The following GABBR2 variants were observed in gnomAD, a reference collection of about 807,000 sequenced individuals.
GABBR2 encodes gamma-aminobutyric acid type B receptor subunit 2, also known as G-protein coupled receptor 51.
A neutral mutation model predicts 105.6 loss-of-function variants in GABBR2; 23 were observed. The observed-to-expected ratio is 0.22, with a 90% CI of 0.16 to 0.31. GABBR2 has a LOEUF of 0.31. GABBR2 is among the 10% of genes least tolerant of loss of function. The probability of loss-of-function intolerance (pLI) is 1.00; values close to 1 mark genes in which losing one functional copy is unlikely to be tolerated. For synonymous variants in GABBR2, 478 were observed against 499.7 expected, an observed-to-expected ratio of 0.96 and a Z score of 0.58; for missense variants, 734 against 1,245.5, an observed-to-expected ratio of 0.59 and a Z score of 6.18.
In GABBR2 at chr9:98,621,297, C is replaced by A. The variant is rs147579860; in HGVS notation, c.322-43225G>T. 7.0e-4 allele frequency among the ~76,000 whole-genome samples: 107 copies of A among 152,274 alleles called. 2 individuals carry two copies. The highest frequency in any genetic ancestry group is 3.7e-3 in the Admixed American group (57 of 15,306). On this transcript the variant is annotated intron_variant, in intron 1 of 18. Coordinates refer to ENST00000259455, the MANE Select transcript of GABBR2 (RefSeq NM_005458.8). ...GACTTGCGGAGTGAAGCAGGGGCAC[C>A]ACTGCCATCCCACCCTCCAGTTCCA...
intron 1 of GABBR2, among the ~76,000 whole-genome samples, chr9:98,579,245 A>G (rs1053490961): frequency 6.6e-5 from 10 of 152,258 alleles, no homozygotes; most frequent in African/African-American, 2.2e-4. Flanking sequence ...TTGAGGAAAC[A>G]TAAAAATTGG....
intron 7 of GABBR2, among the ~76,000 whole-genome samples, chr9:98,453,597 T>C (rs1427675970): frequency 6.6e-6 from 1 of 152,210 alleles, no homozygotes; most frequent in African/African-American, 2.4e-5. Context: ...TTTCACATCT[T>C]CATAACAGGA....
intron 7 of GABBR2, among the ~76,000 whole-genome samples, chr9:98,427,759 TGTGGATTA>T (rs1161830507): frequency 1.6e-5 from 2 of 128,164 alleles, no homozygotes; most frequent in African/African-American, 2.7e-5. Context: ...CAAGCAGCCC[TGTGGATTA>T]CTCATGCTGG....
At chr9:98,325,869 C>T (rs1830913605) in intron 13 of GABBR2, among the ~76,000 whole-genome samples, 1 of 152,214 alleles carries the variant, frequency 6.6e-6, no homozygotes, top group African/African-American at 2.4e-5. Flanking sequence ...TATACATGCA[C>T]AAGCACAAAC....
At chr9:98,456,183 G>C (rs1276379707) in intron 6 of GABBR2, among the ~76,000 whole-genome samples, 1 of 152,066 alleles carries the variant, frequency 6.6e-6, no homozygotes, top group Non-Finnish European at 1.5e-5. Context: ...AGAGAAGGAG[G>C]AAACAGTCCA....
intron 8 of GABBR2, among the ~76,000 whole-genome samples, chr9:98,396,611 G>A (rs1004073977): frequency 6.6e-6 from 1 of 152,228 alleles, no homozygotes; most frequent in Non-Finnish European, 1.5e-5. Context: ...CTGCTGGGGG[G>A]CTCCAGCATC....
At chr9:98,671,147 C>A (rs1486946175) in intron 1 of GABBR2, among the ~76,000 whole-genome samples, 1 of 149,418 alleles carries the variant, frequency 6.7e-6, no homozygotes, top group Non-Finnish European at 1.5e-5. Flanking sequence ...CCACTGCCAC[C>A]CCCCCGCCCC....
intron 14 of GABBR2, among the ~76,000 whole-genome samples, chr9:98,307,142 T>C (rs1354565924): frequency 6.6e-6 from 1 of 152,226 alleles, no homozygotes; most frequent in East Asian, 1.9e-4. Flanking sequence ...TGCTTACCTC[T>C]GGACTAGGTT....
At chr9:98,299,480 G>C (rs1023172202) in intron 16 of GABBR2, 127 bp from the exon 17 acceptor site, 1 of 955,106 alleles carries the variant, frequency 1.0e-6, no homozygotes, top group Non-Finnish European at 1.6e-6. Context: ...GAGAATCAGA[G>C]GGGTTACTGC....
chr9:98,668,011 GC>G (rs1441490237), intron 1 of GABBR2, among the ~76,000 whole-genome samples: 1 of 152,166 alleles, frequency 6.6e-6, no homozygotes, highest in Admixed American at 6.5e-5. Context: ...GAAAACAAAG[GC>G]CCAGTCCCAC....
chr9:98,581,586 G>A (rs964423646), intron 1 of GABBR2, among the ~76,000 whole-genome samples: 1 of 151,998 alleles, frequency 6.6e-6, no homozygotes, highest in African/African-American at 2.4e-5. Flanking sequence ...AATTATCCCT[G>A]TTCCTTGATT....
intron 8 of GABBR2, among the ~76,000 whole-genome samples, chr9:98,402,976 G>A (rs1440866098): frequency 6.6e-6 from 1 of 152,026 alleles, no homozygotes; most frequent in Non-Finnish European, 1.5e-5. Context: ...TCCCTCTATT[G>A]GAGCAAGAGG....
At chr9:98,603,668 G>A (rs981873466) in intron 1 of GABBR2, among the ~76,000 whole-genome samples, 4 of 152,188 alleles carry the variant, frequency 2.6e-5, no homozygotes, top group African/African-American at 9.6e-5. Flanking sequence ...ACACAAAGAT[G>A]TGATTTTCCC....
intron 8 of GABBR2, among the ~76,000 whole-genome samples, chr9:98,399,851 A>G (rs905830206): frequency 6.6e-6 from 1 of 152,092 alleles, no homozygotes. Flanking sequence ...CTGCAGACCA[A>G]CAAGAAAAAG....
chr9:98,310,665 A>G (rs1367968973), intron 14 of GABBR2, among the ~76,000 whole-genome samples: 2 of 152,132 alleles, frequency 1.3e-5, no homozygotes, highest in Non-Finnish European at 2.9e-5. Context: ...CTCCTCATCT[A>G]TTAAATGGGG....
chr9:98,386,651 G>A (rs1357464530), intron 10 of GABBR2, among the ~76,000 whole-genome samples: 2 of 152,168 alleles, frequency 1.3e-5, no homozygotes, highest in Non-Finnish European at 2.9e-5. Flanking sequence ...GGCCCCCCCA[G>A]CACAATCAGC....
intron 12 of GABBR2, 24 bp from the exon 13 acceptor site, chr9:98,362,861 G>A (rs769543916): frequency 6.6e-7 from 1 of 1,512,378 alleles, no homozygotes; most frequent in South Asian, 1.4e-5. Context: ...AGGAGCAGAG[G>A]GGAGCCGATG....
intron 2 of GABBR2, among the ~76,000 whole-genome samples, chr9:98,574,792 C>T (rs1215269281): frequency 1.3e-5 from 2 of 152,170 alleles, no homozygotes; most frequent in African/African-American, 4.8e-5. Flanking sequence ...GTTCCTGCAG[C>T]TCCTCAGGGA....
At chr9:98,438,107 T>C (rs78319022) in intron 7 of GABBR2, among the ~76,000 whole-genome samples, 3 of 121,968 alleles carry the variant, frequency 2.5e-5, no homozygotes, top group Admixed American at 1.7e-4. Context: ...CATCCATCCA[T>C]CCACCCATTT....
Sources: allele counts gnomAD v4.1 joint callset (sites outside exome capture counted in the v4.1 genomes callset), GRCh38; gene constraint gnomAD v4.1.1; transcripts MANE v1.5; gene names NCBI Gene and HGNC (gene_info 2026-07-23, HGNC 2026-07-21).